CYP2R1: variants seen among roughly 807,000 people sequenced by gnomAD.
CYP2R1 encodes cytochrome P450 family 2 subfamily R member 1, also known as vitamin D 25-hydroxylase.
A neutral mutation model predicts 45.7 loss-of-function variants in CYP2R1; 40 were observed. The ratio of observed to expected loss-of-function variants is 0.87; its 90% CI spans 0.68 to 1.14. The LOEUF is 1.14. CYP2R1 is among the 50% of genes most tolerant of loss of function. The pLI, the probability that CYP2R1 is intolerant of heterozygous loss-of-function variation, is 0.00. For missense variants in CYP2R1, 605 were observed against 602.6 expected, an observed-to-expected ratio of 1.00 and a Z score of -0.04; for synonymous variants, 234 against 219.3, an observed-to-expected ratio of 1.07 and a Z score of -0.59.
chr11:14,890,371 G>T, intron 1 of CYP2R1: 2 of 552,374 alleles, frequency 3.6e-6, no homozygotes, highest in East Asian at 1.5e-4. Context: ...AAAATCATGG[G>T]AATAAACTCA....
At chr11:14,889,671 C>A (rs1252711764) in intron 1 of CYP2R1, among the ~76,000 whole-genome samples, 1 of 152,158 alleles carries the variant, frequency 6.6e-6, no homozygotes, top group Non-Finnish European at 1.5e-5. Flanking sequence ...ACTTAGAAAA[C>A]CCCCTGCCCA....
At chr11:14,882,701 G>T (rs1555012789) in intron 2 of CYP2R1, among the ~76,000 whole-genome samples, 1 of 152,070 alleles carries the variant, frequency 6.6e-6, no homozygotes, top group African/African-American at 2.4e-5. Context: ...GGCAGGAGAA[G>T]GAAATAAAGG....
At chr11:14,878,417 G>T in intron 4 of CYP2R1, 120 bp from the exon 5 acceptor site, 1 of 946,552 alleles carries the variant, frequency 1.1e-6, no homozygotes, top group Non-Finnish European at 1.6e-6. Flanking sequence ...AGGGAACTAT[G>T]TTTATTAAAG....
intron 1 of CYP2R1, chr11:14,887,304 A>G (rs1848657540): frequency 6.6e-6 from 1 of 152,250 alleles, no homozygotes; most frequent in African/African-American, 2.4e-5. Context: ...CAGGGATCAT[A>G]AAAAGCAAGG....
At position 14,880,890 on chromosome 11, in the gene CYP2R1, T is replaced by C. The variant is rs181308472; in HGVS notation, c.368-122A>G. 836 of 907,960 alleles carry C rather than the reference T, an allele frequency of 9.2e-4. 3 individuals are homozygous for C. The African/African-American group carries it at 0.011, about 12-fold the overall frequency. 56.2% of individuals were successfully genotyped at this position (907,960 alleles called of 1,614,324 possible). ...TCTCCAAATTGTCCTCCTATATAAC[T>C]ACATGGTTGGGTCCTGTTCTCAGCA... On this transcript the variant is annotated intron_variant, in intron 2 of 4. Coordinates refer to ENST00000334636, the MANE Select transcript of CYP2R1 (RefSeq NM_024514.5).
Position 14,891,968 on chromosome 11 carries a change from G to A in CYP2R1, c.225+13C>T, listed in dbSNP as rs371884794. ...TGGCGGCCCTCCCTGCCCGGGGCCC[G>A]TCGGGGCTGTACCTCTCCGTACACC... On this transcript the variant is annotated intron_variant, in intron 1 of 4. Coordinates refer to ENST00000334636, the MANE Select transcript of CYP2R1 (RefSeq NM_024514.5). 5 of 1,611,640 alleles carry A rather than the reference G, an allele frequency of 3.1e-6. No individual in the cohort carries two copies. The highest frequency in any genetic ancestry group is 4.2e-6 in the Non-Finnish European group (5 of 1,179,274).
chr11:14,892,396 T>G, upstream of CYP2R1: 1 of 624,152 alleles, frequency 1.6e-6, no homozygotes, highest in South Asian at 1.9e-5. Context: ...GAGTGGACTT[T>G]GCGGAGCGGG....
At chr11:14,885,477 G>C (rs538345326) in intron 2 of CYP2R1, among the ~76,000 whole-genome samples, 23 of 152,244 alleles carry the variant, frequency 1.5e-4, no homozygotes, top group African/African-American at 5.5e-4. Flanking sequence ...GGATTCAAGT[G>C]GAAGTATGTG....
Position 14,885,901 on chromosome 11 carries a change from A to G in CYP2R1, c.242T>C (p.Leu81Pro). The change falls in exon 2 of 5, where the codon CTT becomes CCT. Residue 81 changes from leucine to proline, a missense_variant. Physicochemically the swap from Leu to Pro is moderately conservative, Grantham distance 98 (BLOSUM62 -3). Coordinates refer to ENST00000334636, the MANE Select transcript of CYP2R1 (RefSeq NM_024514.5). Reference protein sequence around the residue: ...QVYGEIFSLDLGGISTVVLNG... With the variant: ...QVYGEIFSLDPGGISTVVLNG... ...TAGAACCACAGTTGATATGCCTCCA[A>G]GATCTAAACTGAAGATCTTTGAGAA... is the stretch of plus-strand genomic sequence containing the variant. The G allele has an allele frequency of 6.2e-7, 1 of 1,613,578 alleles. No individual in the cohort carries two copies. Among genetic ancestry groups the G allele is most frequent in the Non-Finnish European group, 8.5e-7 (1 of 1,179,638 alleles).
chr11:14,892,083 CG>C lies in CYP2R1; in HGVS notation c.122del (p.Pro41ArgfsTer26), dbSNP rs1205847900. The stretch of plus-strand genomic sequence containing the variant: ...CGATAAATGGCAGCCCCGGCGGCCC[CG>C]GGGGGAAGCCCATCGGCCGCCTCTG... Reference protein sequence around the residue: ...LKQRRPMGFPPGPPGLPFIGN... With the variant: ...LKQRRPMGFPXGPPGLPFIGN... On this transcript the variant is annotated frameshift_variant, in exon 1 of 5. Transcript: ENST00000334636. LOFTEE classifies it high-confidence loss of function. 2.5e-6 allele frequency: 4 copies of C among 1,611,668 alleles called. No individual in the cohort carries two copies. Among genetic ancestry groups the C allele is most frequent in the Non-Finnish European group, 2.5e-6 (3 of 1,179,658 alleles).
intron 1 of CYP2R1, chr11:14,891,633 G>A (rs1197514435): frequency 1.0e-5 from 11 of 1,103,846 alleles, no homozygotes; most frequent in Middle Eastern, 4.1e-4. Flanking sequence ...CGCACCTGAG[G>A]GCATGCGTCC....
intron 1 of CYP2R1, among the ~76,000 whole-genome samples, chr11:14,887,944 CCTTGT>C (rs1848683273): frequency 6.6e-6 from 1 of 152,186 alleles, no homozygotes; most frequent in Non-Finnish European, 1.5e-5. Context: ...CTAATTTCAT[CCTTGT>C]CTTTTTACAG....
chr11:14,889,647 A>C (rs1555015913), intron 1 of CYP2R1, among the ~76,000 whole-genome samples: 2 of 152,190 alleles, frequency 1.3e-5, no homozygotes, highest in Non-Finnish European at 1.5e-5. Context: ...CCAGCAATAA[A>C]ACTATGATAG....
intron 2 of CYP2R1, among the ~76,000 whole-genome samples, chr11:14,885,377 A>C (rs1848575280): frequency 6.6e-6 from 1 of 152,136 alleles, no homozygotes; most frequent in Non-Finnish European, 1.5e-5. Flanking sequence ...TTAGTAGTCA[A>C]AAAAGCTGCT....
intron 2 of CYP2R1, among the ~76,000 whole-genome samples, chr11:14,882,173 A>G (rs1240823774): frequency 1.3e-5 from 2 of 152,108 alleles, no homozygotes; most frequent in African/African-American, 4.8e-5. Context: ...TGTTCCAGGC[A>G]ATGTTCTAAG....
intron 2 of CYP2R1, among the ~76,000 whole-genome samples, chr11:14,884,041 G>T (rs1555013425): frequency 6.6e-6 from 1 of 152,058 alleles, no homozygotes; most frequent in Admixed American, 6.5e-5. Context: ...ACAGGTGCTG[G>T]AGAGGATGTG....
chr11:14,880,609 G>C lies in CYP2R1; in HGVS notation c.527C>G (p.Pro176Arg), dbSNP rs782779781. The change falls in exon 3 of 5, where the codon CCT (proline) becomes CGT (arginine). Residue 176 changes from proline (P) to arginine (R), a missense_variant. Pro to Arg is a moderately radical substitution (Grantham distance 103). Coordinates refer to ENST00000334636, the MANE Select transcript of CYP2R1 (RefSeq NM_024514.5). The stretch of plus-strand genomic sequence containing the variant: ...CGTTATTAACTGTTTAAAGTCAAAA[G>C]GTCTACCTTTGTATGTTTCAATAGC... The part of the protein sequence containing the change: ...NDAIETYKGR[P>R]FDFKQLITNA... 22 of 1,611,786 alleles carry C rather than the reference G, an allele frequency of 1.4e-5. No homozygotes were observed. In the South Asian group the frequency reaches 2.4e-4, roughly 18 times the overall value.
rs1219972408 is a variant in CYP2R1, at chr11:14,878,124, A to T, written c.1504T>A (p.Ter502ArgextTer21). Reference sequence around the variant, plus strand: ...TCCCGAAAACATCCCAGGCAGTTTCAGCGTCTTTCAGCACAGATGAGGTAG... The same window carrying T: ...TCCCGAAAACATCCCAGGCAGTTTCTGCGTCTTTCAGCACAGATGAGGTAG... Reference protein sequence around the residue: ...QPYLICAERR* With the variant: ...QPYLICAERRR The change falls in exon 5 of 5, where the codon TGA becomes AGA. Residue 502 changes from the stop codon to arginine (R), a stop_lost. Transcript: ENST00000334636. 1.2e-6 allele frequency: 2 copies of T among 1,612,836 alleles called. No individual in the cohort carries two copies. The highest frequency in any genetic ancestry group is 2.7e-5 in the African/African-American group (2 of 74,844).
intron 1 of CYP2R1, chr11:14,887,710 A>T: frequency 1.2e-6 from 1 of 857,704 alleles, no homozygotes; most frequent in Non-Finnish European, 1.4e-6. Flanking sequence ...TCTCCCAGTT[A>T]ATGACCACTC....
Sources: gnomAD v4.1 joint callset for allele counts (sites outside exome capture counted in the v4.1 genomes callset) on GRCh38, gnomAD v4.1.1 for gene constraint, MANE v1.5 for transcripts, NCBI Gene and HGNC (gene_info 2026-07-23, HGNC 2026-07-21) for gene names.